Variants in NXPE3 observed in about 807,000 individuals in gnomAD.
The protein encoded by NXPE3 is NXPE family member 3.
A neutral mutation model predicts 46.1 loss-of-function variants in NXPE3; 26 were observed. The ratio of observed to expected loss-of-function variants is 0.56; its 90% CI spans 0.41 to 0.78. NXPE3 has a LOEUF of 0.78. NXPE3 is among the 30% of genes least tolerant of loss of function. The probability of loss-of-function intolerance (pLI) is 0.00; values close to 1 mark genes in which losing one functional copy is unlikely to be tolerated. For missense variants in NXPE3, 620 were observed against 686.0 expected, an observed-to-expected ratio of 0.90 and a Z score of 1.07; for synonymous variants, 272 against 257.9, an observed-to-expected ratio of 1.05 and a Z score of -0.52.
chr3:101,785,712 C>T (rs1940132374), intron 4 of NXPE3, 23 bp downstream of exon 4: 2 of 1,590,336 alleles, frequency 1.3e-6, no homozygotes, highest in African/African-American at 1.3e-5. Context: ...TATAATCCCT[C>T]ATAACTAAGG....
At chr3:101,810,256 T>A (rs1266130962) in intron 6 of NXPE3, among the ~76,000 whole-genome samples, 1 of 152,224 alleles carries the variant, frequency 6.6e-6, no homozygotes, top group Non-Finnish European at 1.5e-5. Flanking sequence ...TCAGGGACCT[T>A]GACAGATTCT....
At position 101,821,529 on chromosome 3, in the gene NXPE3, A is replaced by C. The variant is rs373122882; in HGVS notation, c.1255A>C (p.Ser419Arg). 17 of 1,614,204 alleles carry C rather than the reference A, an allele frequency of 1.1e-5. No homozygotes were observed. The highest frequency in any genetic ancestry group is 1.4e-5 in the Non-Finnish European group (17 of 1,180,034). The change falls in exon 8 of 8, where the codon AGC becomes CGC. Residue 419 changes from serine to arginine, a missense_variant. Coordinates refer to ENST00000273347, the MANE Select transcript of NXPE3 (RefSeq NM_145037.4). ...GPPIRFTTVF[S>R]NELHYVANEL... is the part of the protein sequence containing the mutation. Reference sequence around the variant, plus strand: ...ACCCATCCGCTTCACGACTGTCTTTAGCAATGAGCTCCATTATGTGGCGAA... The same window carrying C: ...ACCCATCCGCTTCACGACTGTCTTTCGCAATGAGCTCCATTATGTGGCGAA...
At chr3:101,783,331 G>T (rs1240565803) in intron 3 of NXPE3, among the ~76,000 whole-genome samples, 1 of 152,212 alleles carries the variant, frequency 6.6e-6, no homozygotes, top group South Asian at 2.1e-4. Flanking sequence ...AAAGTGCTGG[G>T]ATTACAGGCG....
At chr3:101,808,855 A>ATATATATG (rs1491512601) in intron 6 of NXPE3, among the ~76,000 whole-genome samples, 4 of 95,252 alleles carry the variant, frequency 4.2e-5, no homozygotes, top group African/African-American at 1.6e-4. Context: ...ATATATATAT[A>ATATATATG]TGAGACATTT....
At chr3:101,786,456 T>C (rs942881160) in intron 4 of NXPE3, among the ~76,000 whole-genome samples, 7 of 152,350 alleles carry the variant, frequency 4.6e-5, no homozygotes, top group Non-Finnish European at 8.8e-5. Flanking sequence ...TTGTGGTTTT[T>C]AGCAGAACAC....
chr3:101,815,408 A>G (rs1327409544), intron 6 of NXPE3, among the ~76,000 whole-genome samples: 2 of 152,220 alleles, frequency 1.3e-5, no homozygotes, highest in African/African-American at 4.8e-5. Context: ...AAAACAGTGA[A>G]CTAATACTAC....
intron 4 of NXPE3, among the ~76,000 whole-genome samples, chr3:101,798,734 T>G (rs143527652): frequency 2.9e-3 from 444 of 151,894 alleles, no homozygotes; most frequent in Non-Finnish European, 5.3e-3. Context: ...TGCTTCAGCC[T>G]CCTGAGTAGC....
chr3:101,821,364 G>C, intron 7 of NXPE3, 40 bp from the exon 8 acceptor site: 1 of 1,573,486 alleles, frequency 6.4e-7, no homozygotes, highest in Non-Finnish European at 8.7e-7. Context: ...TATGTGCTTG[G>C]TTTGAAGGTT....
intron 4 of NXPE3, among the ~76,000 whole-genome samples, chr3:101,790,449 A>G (rs1940441155): frequency 6.6e-6 from 1 of 152,116 alleles, no homozygotes; most frequent in Non-Finnish European, 1.5e-5. Flanking sequence ...CTCTTGATGA[A>G]TTTAGTTGCT....
rs892679778 is a variant in NXPE3, at chr3:101,822,122, ATTTATATCTACCTATAGGAT to A, written c.*174_*193del. On this transcript the variant is annotated 3_prime_UTR_variant, in exon 8 of 8. Coordinates refer to ENST00000273347, the MANE Select transcript of NXPE3 (RefSeq NM_145037.4). ...AAGGAGCTTAGAAAATGCAGGTTAC[ATTTATATCTACCTATAGGAT>A]TTTATCCAATGTTGACTTAGCCATG... The A allele has an allele frequency of 1.2e-4, 73 of 612,328 alleles. No individual in the cohort carries two copies. Among genetic ancestry groups the A allele is most frequent in the Non-Finnish European group, 1.8e-4 (65 of 352,712 alleles). 37.9% of individuals were successfully genotyped at this position (612,328 alleles called of 1,614,324 possible). A position where few individuals can be genotyped will look rare whatever the true frequency, so the allele number is the denominator to read the frequency against.
At chr3:101,789,816 A>AG (rs1940398899) in intron 4 of NXPE3, among the ~76,000 whole-genome samples, 1 of 151,826 alleles carries the variant, frequency 6.6e-6, no homozygotes, top group African/African-American at 2.4e-5. Context: ...TCCCCCTCCC[A>AG]AGTAACTGGG....
intron 5 of NXPE3, among the ~76,000 whole-genome samples, chr3:101,805,992 A>G (rs752965536): frequency 1.4e-4 from 21 of 152,064 alleles, no homozygotes; most frequent in Non-Finnish European, 2.6e-4. Context: ...CTTAAAAATC[A>G]CTTTATTTAA....
chr3:101,803,581 A>G (rs1048629021), intron 5 of NXPE3, among the ~76,000 whole-genome samples: 3 of 152,154 alleles, frequency 2.0e-5, no homozygotes, highest in East Asian at 1.9e-4. Context: ...TTTTTTGCCT[A>G]TATATGAAGA....
At chr3:101,814,322 G>A (rs1362002203) in intron 6 of NXPE3, among the ~76,000 whole-genome samples, 1 of 152,200 alleles carries the variant, frequency 6.6e-6, no homozygotes, top group African/African-American at 2.4e-5. Context: ...ATAACATGTT[G>A]AGAAATTATT....
intron 7 of NXPE3, among the ~76,000 whole-genome samples, chr3:101,818,718 TATATATATATA>T (rs1560067115): frequency 4.2e-3 from 51 of 12,112 alleles, no homozygotes; most frequent in African/African-American, 0.016. Context: ...TGACAATTTA[TATATATATATA>T]TATATATATA....
chr3:101,780,247 G>C (rs1463097119), intron 1 of NXPE3, among the ~76,000 whole-genome samples: 2 of 152,134 alleles, frequency 1.3e-5, no homozygotes, highest in Non-Finnish European at 2.9e-5. Flanking sequence ...CTATTTCTCC[G>C]TAGTGTTTGG....
At chr3:101,805,489 A>G (rs1383303321) in intron 5 of NXPE3, among the ~76,000 whole-genome samples, 1 of 150,952 alleles carries the variant, frequency 6.6e-6, no homozygotes, top group Non-Finnish European at 1.5e-5. Context: ...GGTGCGGTGC[A>G]GTGATCTCAG....
chr3:101,789,610 C>G (rs1036727597), intron 4 of NXPE3, among the ~76,000 whole-genome samples: 3 of 152,164 alleles, frequency 2.0e-5, no homozygotes, highest in Non-Finnish European at 4.4e-5. Context: ...GTATACCACA[C>G]ATTTAGATAT....
intron 5 of NXPE3, among the ~76,000 whole-genome samples, chr3:101,802,291 G>A (rs190755779): frequency 9.3e-4 from 141 of 152,232 alleles, no homozygotes; most frequent in African/African-American, 3.2e-3. Context: ...CAGTAGCTGT[G>A]TAAGTAAAAT....
Sources: gnomAD v4.1 joint callset for allele counts (sites outside exome capture counted in the v4.1 genomes callset) on GRCh38, gnomAD v4.1.1 for gene constraint, MANE v1.5 for transcripts, NCBI Gene and HGNC (gene_info 2026-07-23, HGNC 2026-07-21) for gene names.